Variants in KRTAP5-10 observed in about 807,000 individuals in gnomAD.
The protein encoded by KRTAP5-10 is keratin-associated protein 5-10.
In KRTAP5-10, 1 loss-of-function variant was observed where a neutral mutation model predicts 1.6. The ratio of observed to expected loss-of-function variants is 0.64; its 90% confidence interval spans 0.23 to 3.04. The LOEUF is 3.04. Among genes scored for constraint, KRTAP5-10 ranks in the 30% most tolerant of loss-of-function variants. KRTAP5-10 has a pLI of 0.21. For missense variants in KRTAP5-10, 219 were observed against 255.2 expected, an observed-to-expected ratio of 0.86 and a Z score of 0.97; for synonymous variants, 76 against 102.0, an observed-to-expected ratio of 0.75 and a Z score of 1.54.
At position 71,566,153 on chromosome 11, in the gene KRTAP5-10, A is replaced by G; in HGVS notation, c.566A>G (p.Gln189Arg). Reference sequence around the variant, plus strand: ...AGCTGCTGCAAGCCCTGCTGCTGTCAGTCCAGCTGCTGTGTCCCCGTGTGC... The same window carrying G: ...AGCTGCTGCAAGCCCTGCTGCTGTCGGTCCAGCTGCTGTGTCCCCGTGTGC... ...QSSCCKPCCC[Q>R]SSCCVPVCCQ... The change falls in exon 1 of 1, where the codon CAG becomes CGG. Residue 189 changes from glutamine to arginine, a missense_variant. Coordinates refer to ENST00000398531, the MANE Select transcript of KRTAP5-10 (RefSeq NM_001012710.2). 6.2e-7 allele frequency: 1 copy of G among 1,613,828 alleles called. No homozygotes were observed. The highest frequency in any genetic ancestry group is 8.5e-7 in the Non-Finnish European group (1 of 1,179,914).
In KRTAP5-10 at chr11:71,565,984, G is replaced by A. The variant is rs1165207302; in HGVS notation, c.397G>A (p.Gly133Ser). Reference sequence around the variant, plus strand: ...TGGTTCCTGTGGGGGCTCCAAGGGGGGCTGTGGTTCTTGTGGCTGCTCCCA... The same window carrying A: ...TGGTTCCTGTGGGGGCTCCAAGGGGAGCTGTGGTTCTTGTGGCTGCTCCCA... ...GCGSCGGSKG[G>S]CGSCGCSQCN... is the part of the protein sequence containing the mutation. Residue 133 changes from glycine (G) to serine (S), a missense_variant, in exon 1 of 1, where the codon GGC (glycine) becomes AGC (serine). Physicochemically the swap from Gly to Ser is moderately conservative, Grantham distance 56. Around this residue, in one of 3 missense-constraint regions of KRTAP5-10, gnomAD observed 124 missense variants for 127.2 expected, o/e 0.98. Transcript: ENST00000398531. The A allele has an allele frequency of 6.2e-7, 1 of 1,612,266 alleles. No homozygotes were observed. Among genetic ancestry groups the A allele is most frequent in the Non-Finnish European group, 8.5e-7 (1 of 1,179,362 alleles).
rs1950191810 is a variant in KRTAP5-10 at position 71,566,390 on chromosome 11, A to G, written c.*194A>G. On this transcript the variant is annotated 3_prime_UTR_variant, in exon 1 of 1. Transcript: ENST00000398531. ...TTCAGCCTCCTCACTCCGGAAATGC[A>G]TGTTTCCTTGATGCAGGAGGTGGCC... 3 of 907,794 alleles carry G rather than the reference A, an allele frequency of 3.3e-6. No homozygotes were observed. The highest frequency in any genetic ancestry group is 3.5e-4 in the Middle Eastern group (1 of 2,870). The allele number at this position is 907,794 out of a possible 1,614,324, so 56.2% of individuals were successfully genotyped here.
At position 71,565,592 on chromosome 11, in the gene KRTAP5-10, G is replaced by A. The variant is rs1383994999; in HGVS notation, c.5G>A (p.Gly2Asp). 3 of 1,612,042 alleles carry A rather than the reference G, an allele frequency of 1.9e-6. No individual in the cohort carries two copies. The highest frequency in any genetic ancestry group is 1.9e-4 in the Middle Eastern group (1 of 5,310). ...CACCCTCAATCTACCAGAATCATGG[G>A]CTGCTGTGGCTGCTCCGGAGGCTGT... M[G>D]CCGCSGGCGS... The change falls in exon 1 of 1, where the codon GGC becomes GAC. Residue 2 changes from glycine to aspartate, a missense_variant. Around this residue, in one of 3 missense-constraint regions of KRTAP5-10, gnomAD observed 92 missense variants for 108.8 expected, o/e 0.85. Transcript: ENST00000398531.
chr11:71,565,697 G>T lies in KRTAP5-10; in HGVS notation c.110G>T (p.Gly37Val). 6.2e-7 allele frequency: 1 copy of T among 1,609,856 alleles called. No homozygotes were observed. Among genetic ancestry groups the T allele is most frequent in the Non-Finnish European group, 8.5e-7 (1 of 1,178,988 alleles). ...GGGGGCTATGGCTCTGGCTGTGGGGGCTGTGGCTCCAGCTGCTGTGTGCCC... is the reference window on the plus strand; with the variant it reads ...GGGGGCTATGGCTCTGGCTGTGGGGTCTGTGGCTCCAGCTGCTGTGTGCCC... ...GCGGYGSGCGGCGSSCCVPVC... is the reference protein window; with the variant it reads ...GCGGYGSGCGVCGSSCCVPVC... Residue 37 changes from glycine to valine, a missense_variant, in exon 1 of 1, where the codon GGC (glycine) becomes GTC (valine). Gly to Val is a moderately radical substitution (Grantham distance 109). Coordinates refer to ENST00000398531, the MANE Select transcript of KRTAP5-10 (RefSeq NM_001012710.2).
In KRTAP5-10 at chr11:71,565,584, A is replaced by C. The variant is rs765491687; in HGVS notation, c.-4A>C. ...ACCTGATCCACCCTCAATCTACCAG[A>C]ATCATGGGCTGCTGTGGCTGCTCCG... On this transcript the variant is annotated 5_prime_UTR_variant, in exon 1 of 1. Coordinates refer to ENST00000398531, the MANE Select transcript of KRTAP5-10 (RefSeq NM_001012710.2). The C allele has an allele frequency of 6.5e-7, 1 of 1,538,236 alleles. No individual in the cohort carries two copies. The highest frequency in any genetic ancestry group is 1.1e-5 in the South Asian group (1 of 89,688).
rs760168607 is a variant in KRTAP5-10, at chr11:71,565,952, G to T, written c.365G>T (p.Gly122Val). Residue 122 changes from glycine to valine, a missense_variant, in exon 1 of 1, where the codon GGT becomes GTT. Physicochemically the swap from Gly to Val is moderately radical, Grantham distance 109. This residue lies in a region of KRTAP5-10 where 124 missense variants were observed against 127.2 expected (regional missense o/e 0.98). Transcript: ENST00000398531. ...GGCGSCGGSK[G>V]GCGSCGGSKG... ...TGTGGCTCCTGTGGGGGCTCCAAAG[G>T]TGGCTGTGGTTCCTGTGGGGGCTCC... 6.4e-6 allele frequency: 10 copies of T among 1,556,218 alleles called. No homozygotes were observed. Among genetic ancestry groups the T allele is most frequent in the East Asian group, 4.9e-5 (2 of 40,974 alleles).
chr11:71,566,370 C>T lies in KRTAP5-10; in HGVS notation c.*174C>T, dbSNP rs1164096768. 2.0e-6 allele frequency: 2 copies of T among 1,019,720 alleles called. No individual in the cohort carries two copies. 63.2% of individuals were successfully genotyped at this position (1,019,720 alleles called of 1,614,324 possible). A position where few individuals can be genotyped will look rare whatever the true frequency, so the allele number is the denominator to read the frequency against. On this transcript the variant is annotated 3_prime_UTR_variant, in exon 1 of 1. Coordinates refer to ENST00000398531, the MANE Select transcript of KRTAP5-10 (RefSeq NM_001012710.2). ...GCTCTCCACTGGGCCCTGCCTTCAGCCTCCTCACTCCGGAAATGCATGTTT... is the reference window on the plus strand; with the variant it reads ...GCTCTCCACTGGGCCCTGCCTTCAGTCTCCTCACTCCGGAAATGCATGTTT...
Position 71,565,581 on chromosome 11 carries a change from C to G in KRTAP5-10, c.-7C>G, listed in dbSNP as rs1950182535. On this transcript the variant is annotated 5_prime_UTR_variant, in exon 1 of 1. Coordinates refer to ENST00000398531, the MANE Select transcript of KRTAP5-10 (RefSeq NM_001012710.2). ...TCTACCTGATCCACCCTCAATCTAC[C>G]AGAATCATGGGCTGCTGTGGCTGCT... 6.2e-7 allele frequency: 1 copy of G among 1,612,840 alleles called. No individual in the cohort carries two copies. Among genetic ancestry groups the G allele is most frequent in the African/African-American group, 1.3e-5 (1 of 74,688 alleles).
At position 71,566,450 on chromosome 11, in the gene KRTAP5-10, G is replaced by C. The variant is rs780963244; in HGVS notation, c.*254G>C. The stretch of plus-strand genomic sequence containing the variant: ...CGCGGGCACCCAGCCAACTGCCATG[G>C]TGTTCCCTGCACTTGGGTGTGGACC... On this transcript the variant is annotated 3_prime_UTR_variant, in exon 1 of 1. Coordinates refer to ENST00000398531, the MANE Select transcript of KRTAP5-10 (RefSeq NM_001012710.2). 6.5e-6 allele frequency: 4 copies of C among 619,248 alleles called. No homozygotes were observed. Among genetic ancestry groups the C allele is most frequent in the Middle Eastern group, 4.5e-4 (1 of 2,244 alleles). 38.4% of individuals were successfully genotyped at this position (619,248 alleles called of 1,614,324 possible).
chr11:71,566,251 A>G lies in KRTAP5-10; in HGVS notation c.*55A>G. The G allele has an allele frequency of 1.2e-6, 2 of 1,606,684 alleles. No individual in the cohort carries two copies. Among genetic ancestry groups the G allele is most frequent in the Non-Finnish European group, 1.7e-6 (2 of 1,175,012 alleles). ...CTGTTTGGTGAAAGCATTTGTTATG[A>G]TTTCCCTGAATTAATTCATCCCACG... On this transcript the variant is annotated 3_prime_UTR_variant, in exon 1 of 1. Transcript: ENST00000398531.
chr11:71,565,773 C>T lies in KRTAP5-10; in HGVS notation c.186C>T (p.Ser62=), dbSNP rs754121419. The T allele has an allele frequency of 1.6e-5, 26 of 1,604,448 alleles. No individual in the cohort carries two copies. The East Asian group carries it at 2.3e-4, about 14-fold the overall frequency. The stretch of plus-strand genomic sequence containing the variant: ...GCTGTGTGCCAGCCTGTTCCTGCTC[C>T]AGCTGTGGCTCCTGTGGGGGCTCCA... ...VCCCVPACSC[S]SCGSCGGSKG... is the part of the protein sequence containing the mutation. Residue 62 remains serine (S), a synonymous_variant, in exon 1 of 1, where the codon TCC becomes TCT. Coordinates refer to ENST00000398531, the MANE Select transcript of KRTAP5-10 (RefSeq NM_001012710.2).
In KRTAP5-10 at chr11:71,565,697, G is replaced by A. The variant is rs751564607; in HGVS notation, c.110G>A (p.Gly37Asp). The change falls in exon 1 of 1, where the codon GGC (glycine) becomes GAC (aspartate). Residue 37 changes from glycine to aspartate, a missense_variant. Gly to Asp is a moderately conservative substitution (Grantham distance 94). Around this residue, in one of 3 missense-constraint regions of KRTAP5-10, gnomAD observed 92 missense variants for 108.8 expected, o/e 0.85. Coordinates refer to ENST00000398531, the MANE Select transcript of KRTAP5-10 (RefSeq NM_001012710.2). ...GGGGGCTATGGCTCTGGCTGTGGGG[G>A]CTGTGGCTCCAGCTGCTGTGTGCCC... ...GCGGYGSGCG[G>D]CGSSCCVPVC... The A allele has an allele frequency of 7.5e-6, 12 of 1,609,744 alleles. No homozygotes were observed. The highest frequency in any genetic ancestry group is 1.3e-5 in the African/African-American group (1 of 74,168).
chr11:71,566,503 A>G lies in KRTAP5-10; in HGVS notation c.*307A>G. The G allele has an allele frequency of 2.0e-6, 1 of 489,780 alleles. No homozygotes were observed. The allele number at this position is 489,780 out of a possible 1,614,324, so 30.3% of individuals were successfully genotyped here. A position where few individuals can be genotyped will look rare whatever the true frequency, so the allele number is the denominator to read the frequency against. On this transcript the variant is annotated 3_prime_UTR_variant, in exon 1 of 1. Transcript: ENST00000398531. The stretch of plus-strand genomic sequence containing the variant: ...CTTCTTCTTCTCCCTCGGCTGACTG[A>G]GATGCAAGGTCTGACCCCACAAGGC...
Position 71,565,757 on chromosome 11 carries a change from C to T in KRTAP5-10, c.170C>T (p.Pro57Leu), listed in dbSNP as rs767707499. ...TGCAAGCCCGTGTGCTGCTGTGTGC[C>T]AGCCTGTTCCTGCTCCAGCTGTGGC... ...CCCKPVCCCV[P>L]ACSCSSCGSC... is the part of the protein sequence containing the mutation. Residue 57 changes from proline to leucine, a missense_variant, in exon 1 of 1, where the codon CCA (proline) becomes CTA (leucine). By Grantham distance (98) the Pro-to-Leu change is moderately conservative. This residue lies in a region of KRTAP5-10 where 92 missense variants were observed against 108.8 expected (regional missense o/e 0.85). Transcript: ENST00000398531. The T allele has an allele frequency of 1.2e-6, 2 of 1,603,246 alleles. No individual in the cohort carries two copies. The highest frequency in any genetic ancestry group is 2.0e-4 in the Middle Eastern group (1 of 4,936).
At position 71,566,105 on chromosome 11, in the gene KRTAP5-10, G is replaced by C; in HGVS notation, c.518G>C (p.Cys173Ser). Residue 173 changes from cysteine to serine, a missense_variant, in exon 1 of 1, where the codon TGT (cysteine) becomes TCT (serine). Around this residue, in one of 3 missense-constraint regions of KRTAP5-10, gnomAD observed 124 missense variants for 127.2 expected, o/e 0.98. Coordinates refer to ENST00000398531, the MANE Select transcript of KRTAP5-10 (RefSeq NM_001012710.2). ...CCCTGCTGCTGCCAGTCCAGCTGCTGTGTCCCCGTGTGCTGCCAGTCTAGC... is the reference window on the plus strand; with the variant it reads ...CCCTGCTGCTGCCAGTCCAGCTGCTCTGTCCCCGTGTGCTGCCAGTCTAGC... ...CNPCCCQSSC[C>S]VPVCCQSSCC... 1 of 1,612,442 alleles carries C rather than the reference G, an allele frequency of 6.2e-7. No homozygotes were observed. The highest frequency in any genetic ancestry group is 8.5e-7 in the Non-Finnish European group (1 of 1,178,692).
In KRTAP5-10 at chr11:71,566,426, G is replaced by A. The variant is rs368796119; in HGVS notation, c.*230G>A. The A allele has an allele frequency of 3.0e-5, 21 of 700,742 alleles. No individual in the cohort carries two copies. The East Asian group carries it at 3.3e-4, about 11-fold the overall frequency. The allele number at this position is 700,742 out of a possible 1,614,324, so 43.4% of individuals were successfully genotyped here. ...ATGCAGGAGGTGGCCTTGCCTGGAC[G>A]CGGGCACCCAGCCAACTGCCATGGT... On this transcript the variant is annotated 3_prime_UTR_variant, in exon 1 of 1. Transcript: ENST00000398531.
chr11:71,566,563 G>C lies in KRTAP5-10; in HGVS notation c.*367G>C, dbSNP rs1950192697. On this transcript the variant is annotated 3_prime_UTR_variant, in exon 1 of 1. Coordinates refer to ENST00000398531, the MANE Select transcript of KRTAP5-10 (RefSeq NM_001012710.2). Reference sequence around the variant, plus strand: ...GTTGCTCAGTGATCACTAAGAACCAGCTTCTCAACCACCATTGGGACCCTG... The same window carrying C: ...GTTGCTCAGTGATCACTAAGAACCACCTTCTCAACCACCATTGGGACCCTG... 1 of 310,326 alleles carries C rather than the reference G, an allele frequency of 3.2e-6. No homozygotes were observed. The highest frequency in any genetic ancestry group is 6.3e-6 in the Non-Finnish European group (1 of 158,154). 19.2% of individuals were successfully genotyped at this position (310,326 alleles called of 1,614,324 possible). A position where few individuals can be genotyped will look rare whatever the true frequency, so the allele number is the denominator to read the frequency against.
Position 71,565,760 on chromosome 11 carries a change from C to G in KRTAP5-10, c.173C>G (p.Ala58Gly), listed in dbSNP as rs199777079. 2.9e-3 allele frequency: 4,548 copies of G among 1,592,430 alleles called. 4 individuals are homozygous for G. Among genetic ancestry groups the G allele is most frequent in the Non-Finnish European group, 3.4e-3 (3,953 of 1,171,112 alleles). ...CCKPVCCCVP[A>G]CSCSSCGSCG... ...AAGCCCGTGTGCTGCTGTGTGCCAG[C>G]CTGTTCCTGCTCCAGCTGTGGCTCC... The change falls in exon 1 of 1, where the codon GCC (alanine) becomes GGC (glycine). Residue 58 changes from alanine to glycine, a missense_variant. Physicochemically the swap from Ala to Gly is moderately conservative, Grantham distance 60 (BLOSUM62 0). Around this residue, in one of 3 missense-constraint regions of KRTAP5-10, gnomAD observed 92 missense variants for 108.8 expected, o/e 0.85. Coordinates refer to ENST00000398531, the MANE Select transcript of KRTAP5-10 (RefSeq NM_001012710.2).
Position 71,566,162 on chromosome 11 carries a change from G to T in KRTAP5-10, c.575G>T (p.Cys192Phe). 1 of 1,614,174 alleles carries T rather than the reference G, an allele frequency of 6.2e-7. No individual in the cohort carries two copies. The highest frequency in any genetic ancestry group is 8.5e-7 in the Non-Finnish European group (1 of 1,180,012). ...CCKPCCCQSS[C>F]CVPVCCQCKI ...AAGCCCTGCTGCTGTCAGTCCAGCT[G>T]CTGTGTCCCCGTGTGCTGCCAGTGT... The change falls in exon 1 of 1, where the codon TGC (cysteine) becomes TTC (phenylalanine). Residue 192 changes from cysteine to phenylalanine, a missense_variant. Around this residue, in one of 3 missense-constraint regions of KRTAP5-10, gnomAD observed 124 missense variants for 127.2 expected, o/e 0.98. Coordinates refer to ENST00000398531, the MANE Select transcript of KRTAP5-10 (RefSeq NM_001012710.2).
Sources: allele counts gnomAD v4.1 joint callset, GRCh38; gene constraint gnomAD v4.1.1; regional missense constraint gnomAD v4.1.1; transcripts MANE v1.5; gene names NCBI Gene and HGNC (gene_info 2026-07-23, HGNC 2026-07-21).